The following SIPA1L1 variants were observed in gnomAD, a reference collection of about 807,000 sequenced individuals.
SIPA1L1 encodes the protein signal-induced proliferation-associated 1-like protein 1.
A neutral mutation model predicts 162.7 loss-of-function variants in SIPA1L1; 26 were observed. The observed-to-expected ratio is 0.16, with a 90% confidence interval of 0.12 to 0.22. The LOEUF is 0.22. SIPA1L1 is among the 10% of genes least tolerant of loss of function. The pLI is 1.00. For missense variants in SIPA1L1, 1,874 were observed against 2,241.0 expected, an observed-to-expected ratio of 0.84 and a Z score of 3.31; for synonymous variants, 829 against 837.4, an observed-to-expected ratio of 0.99 and a Z score of 0.17.
intron 17 of SIPA1L1, among the ~76,000 whole-genome samples, chr14:71,714,735 C>T (rs572880009): frequency 1.8e-4 from 28 of 152,216 alleles, no homozygotes; most frequent in Admixed American, 5.2e-4. Context: ...GCATGCACCA[C>T]TATGCTAAGC....
chr14:71,621,779 TC>T (rs140676421), intron 6 of SIPA1L1, among the ~76,000 whole-genome samples: 209 of 152,218 alleles, frequency 1.4e-3, no homozygotes, highest in Non-Finnish European at 2.5e-3. Context: ...GTTTCTCACT[TC>T]CCCTCCTTGC....
intron 23 of SIPA1L1, among the ~76,000 whole-genome samples, chr14:71,738,604 T>C (rs10137642): frequency 0.68 from 103,976 of 152,078 alleles, 37,090 homozygotes; most frequent in East Asian, 0.95. Flanking sequence ...CCTTGTGTAA[T>C]GTGTCAGTAG....
At chr14:71,479,918 T>C (rs1337171880) in intron 2 of SIPA1L1, among the ~76,000 whole-genome samples, 1 of 152,012 alleles carries the variant, frequency 6.6e-6, no homozygotes, top group Non-Finnish European at 1.5e-5. Context: ...TTTCTATTTT[T>C]AGTGGAGACA....
intron 8 of SIPA1L1, among the ~76,000 whole-genome samples, chr14:71,654,203 C>G (rs1566573855): frequency 6.6e-6 from 1 of 152,124 alleles, no homozygotes; most frequent in Non-Finnish European, 1.5e-5. Flanking sequence ...GGATTTGTAG[C>G]AAACAAGCAA....
At chr14:71,428,136 G>A (rs2043720019) in intron 2 of SIPA1L1, among the ~76,000 whole-genome samples, 1 of 151,826 alleles carries the variant, frequency 6.6e-6, no homozygotes, top group Non-Finnish European at 1.5e-5. Context: ...GGGACTATAG[G>A]TGTGTGCCAC....
At chr14:71,590,030 A>ATAT (rs1175469097) in intron 5 of SIPA1L1, among the ~76,000 whole-genome samples, 30 of 52,628 alleles carry the variant, frequency 5.7e-4, no homozygotes, top group East Asian at 1.2e-3. Flanking sequence ...GTAAAAAAAA[A>ATAT]AAAAAAAAAA....
chr14:71,484,331 G>A (rs1036287507), intron 2 of SIPA1L1, among the ~76,000 whole-genome samples: 28 of 109,956 alleles, frequency 2.5e-4, no homozygotes, highest in Non-Finnish European at 3.4e-4. Context: ...GAACTTTCTC[G>A]TCTTTTATCT....
At chr14:71,440,860 G>A (rs1214953852) in intron 2 of SIPA1L1, among the ~76,000 whole-genome samples, 1 of 151,936 alleles carries the variant, frequency 6.6e-6, no homozygotes, top group East Asian at 1.9e-4. Context: ...TTTTAATGTA[G>A]GTATTGAGAA....
intron 12 of SIPA1L1, among the ~76,000 whole-genome samples, chr14:71,679,744 C>G (rs2045602555): frequency 6.6e-6 from 1 of 151,974 alleles, no homozygotes; most frequent in Non-Finnish European, 1.5e-5. Context: ...GAAGATCTAC[C>G]AAGCAAATGG....
intron 2 of SIPA1L1, among the ~76,000 whole-genome samples, chr14:71,416,752 C>CGCAT (rs1555418061): frequency 1.3e-5 from 2 of 150,348 alleles, no homozygotes; most frequent in African/African-American, 4.9e-5. Flanking sequence ...CACACACACA[C>CGCAT]GCATGCACAC....
chr14:71,330,387 G>A (rs878899404), intron 2 of SIPA1L1: 1 of 1,028,474 alleles, frequency 9.7e-7, no homozygotes, highest in Non-Finnish European at 1.5e-6. Context: ...GAAAGAAGCG[G>A]ACATGCATGC....
At chr14:71,681,315 G>C (rs566189621) in intron 12 of SIPA1L1, among the ~76,000 whole-genome samples, 2 of 152,128 alleles carry the variant, frequency 1.3e-5, no homozygotes, top group African/African-American at 2.4e-5. Context: ...CGTCATTCCC[G>C]TGACAAGATG....
intron 19 of SIPA1L1, among the ~76,000 whole-genome samples, chr14:71,727,502 C>T (rs1476302359): frequency 6.6e-6 from 1 of 150,764 alleles, no homozygotes; most frequent in Non-Finnish European, 1.5e-5. Flanking sequence ...TAGAGTTTCT[C>T]TTATGGGAGG....
intron 7 of SIPA1L1, among the ~76,000 whole-genome samples, chr14:71,630,074 C>T (rs999184542): frequency 2.0e-5 from 3 of 152,182 alleles, no homozygotes; most frequent in African/African-American, 4.8e-5. Context: ...CTGATTTTCT[C>T]TAAATGAAGC....
intron 5 of SIPA1L1, among the ~76,000 whole-genome samples, chr14:71,613,959 T>C (rs2038521236): frequency 6.6e-6 from 1 of 152,012 alleles, no homozygotes; most frequent in Non-Finnish European, 1.5e-5. Context: ...CCTAGCACTT[T>C]GGGAAGCTGA....
At chr14:71,434,481 A>G (rs1185319384) in intron 2 of SIPA1L1, among the ~76,000 whole-genome samples, 1 of 152,226 alleles carries the variant, frequency 6.6e-6, no homozygotes, top group East Asian at 1.9e-4. Flanking sequence ...GCTAAACTAT[A>G]TAAATTTTAT....
chr14:71,723,910 G>T, intron 18 of SIPA1L1, 24 bp downstream of exon 18: 4 of 1,613,268 alleles, frequency 2.5e-6, no homozygotes, highest in Non-Finnish European at 2.5e-6. Context: ...TCCTTCCCTT[G>T]CTGGTGGCTT....
intron 7 of SIPA1L1, among the ~76,000 whole-genome samples, chr14:71,638,271 A>G (rs2041362547): frequency 6.6e-6 from 1 of 152,184 alleles, no homozygotes; most frequent in Admixed American, 6.5e-5. Context: ...ATCCCTCATG[A>G]ATATACATGT....
chr14:71,536,509 C>G (rs2053920076), intron 4 of SIPA1L1, among the ~76,000 whole-genome samples: 1 of 152,174 alleles, frequency 6.6e-6, no homozygotes, highest in Non-Finnish European at 1.5e-5. Context: ...TAAAGGAAGT[C>G]TGCATTTTGT....
Sources: allele counts gnomAD v4.1 joint callset (sites outside exome capture counted in the v4.1 genomes callset), GRCh38; gene constraint gnomAD v4.1.1; transcripts MANE v1.5; gene names NCBI Gene and HGNC (gene_info 2026-07-23, HGNC 2026-07-21).